Variants in ATP7A observed in about 807,000 individuals in gnomAD.
ATP7A encodes copper-transporting ATPase 1.
Under a neutral mutation model 83.5 loss-of-function variants are expected in ATP7A, and 7 were observed. That is an observed-to-expected ratio of 0.08 (90% confidence interval 0.05 to 0.16). ATP7A has a LOEUF of 0.16. ATP7A is among the 10% of genes least tolerant of loss of function. The pLI, the probability that ATP7A is intolerant of heterozygous loss-of-function variation, is 1.00. For synonymous variants in ATP7A, 354 were observed against 395.2 expected (o/e 0.90, Z 1.24); for missense variants, 940 against 1,120.8 (o/e 0.84, Z 2.30).
chrX:77,911,211 A>G (rs2077157825), intron 1 of ATP7A, among the ~76,000 whole-genome samples: 1 of 112,425 alleles, frequency 8.9e-6, no homozygotes, highest in Non-Finnish European at 1.9e-5. Context: ...TACTAAAATG[A>G]CCATAATTGA....
intron 2 of ATP7A, among the ~76,000 whole-genome samples, chrX:77,974,209 T>C (rs2077564394): frequency 9.1e-6 from 1 of 109,756 alleles, no homozygotes; most frequent in African/African-American, 3.3e-5. Context: ...AGTGGCACAA[T>C]GTTGGCTCAC....
chrX:77,962,705 CCTG>C (rs1259993406), intron 1 of ATP7A: 5 of 384,398 alleles, frequency 1.3e-5, no homozygotes, highest in African/African-American at 2.6e-5. Context: ...GAACAGTAGA[CCTG>C]CTGGAGGAAG....
Position 78,029,385 on chromosome X carries a change from G to T in ATP7A, c.3052G>T (p.Val1018Leu). 1 of 1,211,810 alleles carries T rather than the reference G, an allele frequency of 8.3e-7. No individual in the cohort carries two copies. The highest frequency in any genetic ancestry group is 1.1e-6 in the Non-Finnish European group (1 of 895,455). The change falls in exon 15 of 23, where the codon GTA (valine) becomes TTA (leucine). Residue 1018 changes from valine to leucine, a missense_variant. This residue lies in a region of ATP7A where 386 missense variants were observed against 502.2 expected (regional missense o/e 0.77). Coordinates refer to ENST00000341514, the MANE Select transcript of ATP7A (RefSeq NM_000052.7). ...TPTAVMVGTG[V>L]GAQNGILIKG... is the part of the protein sequence containing the mutation. ...AACTGCTGTGATGGTGGGTACAGGAGTAGGTGCTCAAAATGGCATACTAAT... is the reference window on the plus strand; with the variant it reads ...AACTGCTGTGATGGTGGGTACAGGATTAGGTGCTCAAAATGGCATACTAAT...
intron 10 of ATP7A, among the ~76,000 whole-genome samples, chrX:78,014,155 C>T (rs1186018277): frequency 9.1e-6 from 1 of 110,389 alleles, no homozygotes; most frequent in Non-Finnish European, 1.9e-5. Context: ...TGCCTGTAAT[C>T]CCAGCGCTTT....
intron 4 of ATP7A, among the ~76,000 whole-genome samples, chrX:77,997,707 A>G (rs1232729130): frequency 9.1e-6 from 1 of 110,014 alleles, no homozygotes; most frequent in African/African-American, 3.3e-5. Flanking sequence ...AAAATAGCAG[A>G]ATTTCAGAGA....
At chrX:77,956,726 CCTTTCTTTCTTTCTT>C (rs1400803249) in intron 1 of ATP7A, among the ~76,000 whole-genome samples, 46 of 73,777 alleles carry the variant, frequency 6.2e-4, no homozygotes, top group African/African-American at 2.1e-3. Flanking sequence ...TACCCAGTCT[CCTTTCTTTCTTTCTT>C]TCTTTCTTTC....
At chrX:77,937,866 TTCTCTC>T (rs1326169199) in intron 1 of ATP7A, among the ~76,000 whole-genome samples, 1 of 100,426 alleles carries the variant, frequency 1.0e-5, no homozygotes, top group Admixed American at 1.1e-4. Context: ...GATGGGATGG[TTCTCTC>T]TCTCTCTCTC....
chrX:77,980,698 C>T (rs990557367), intron 2 of ATP7A, among the ~76,000 whole-genome samples: 1 of 110,366 alleles, frequency 9.1e-6, no homozygotes, highest in Non-Finnish European at 1.9e-5. Flanking sequence ...GATGGAGTCT[C>T]GCTCTTGTCA....
intron 14 of ATP7A, among the ~76,000 whole-genome samples, chrX:78,023,100 A>G (rs1226636379): frequency 8.9e-6 from 1 of 111,752 alleles, no homozygotes; most frequent in Non-Finnish European, 1.9e-5. Flanking sequence ...AGCTTCACCT[A>G]TGCTACTCAA....
chrX:77,986,973 C>A (rs1557231428), intron 2 of ATP7A, among the ~76,000 whole-genome samples: 1 of 111,895 alleles, frequency 8.9e-6, no homozygotes, highest in Non-Finnish European at 1.9e-5. Context: ...CATAATAGAG[C>A]AGTTGCCTAA....
intron 6 of ATP7A, 130 bp from the exon 7 acceptor site, chrX:78,008,972 C>T (rs1437111132): frequency 1.5e-6 from 1 of 683,845 alleles, no homozygotes; most frequent in Non-Finnish European, 2.2e-6. Context: ...GCCGAGATCG[C>T]ACCACTGCAT....
rs782208660 is a variant in ATP7A, at chrX:78,011,795, A to G, written c.2172+121A>G. ...TAGAAGTCTGATCATTTTATGCCAT[A>G]TGCTTTACAAAAATAATCTTCAACT... On this transcript the variant is annotated intron_variant, in intron 9 of 22. Coordinates refer to ENST00000341514, the MANE Select transcript of ATP7A (RefSeq NM_000052.7). The G allele has an allele frequency of 5.8e-6, 4 of 690,396 alleles. No individual in the cohort carries two copies. The African/African-American group carries it at 8.5e-5, about 15-fold the overall frequency. 56.9% of individuals were successfully genotyped at this position (690,396 alleles called of 1,213,427 possible). A position where few individuals can be genotyped will look rare whatever the true frequency, so the allele number is the denominator to read the frequency against.
At chrX:77,995,435 G>A (rs2149086115) in intron 4 of ATP7A, among the ~76,000 whole-genome samples, 1 of 108,274 alleles carries the variant, frequency 9.2e-6, no homozygotes, top group South Asian at 4.2e-4. Flanking sequence ...GGGCGTGGTG[G>A]TGGGCGCCTG....
chrX:78,007,304 C>A (rs1255944405), intron 6 of ATP7A, among the ~76,000 whole-genome samples: 2 of 111,280 alleles, frequency 1.8e-5, no homozygotes, highest in African/African-American at 3.3e-5. Flanking sequence ...CATAAATGTT[C>A]TTTGGAGAAA....
intron 4 of ATP7A, 100 bp from the exon 5 acceptor site, chrX:77,998,378 A>T: frequency 3.6e-6 from 3 of 842,146 alleles, no homozygotes. Flanking sequence ...TTTTAAAGGA[A>T]TAGATTGTCA....
At chrX:77,911,646 G>C (rs1448488246) in intron 1 of ATP7A, among the ~76,000 whole-genome samples, 1 of 109,511 alleles carries the variant, frequency 9.1e-6, no homozygotes, top group African/African-American at 3.3e-5. Flanking sequence ...CCTCAAAAGA[G>C]TTTACTTACA....
chrX:77,944,874 G>T (rs2077370405), intron 1 of ATP7A, among the ~76,000 whole-genome samples: 1 of 109,081 alleles, frequency 9.2e-6, no homozygotes. Context: ...ATTTGTGATG[G>T]AGTCTTGCTC....
chrX:78,009,661 T>G (rs782584853), intron 7 of ATP7A, among the ~76,000 whole-genome samples: 5 of 112,210 alleles, frequency 4.5e-5, no homozygotes, highest in African/African-American at 1.6e-4. Context: ...GTAAGAAATT[T>G]AAAAGACTAA....
At chrX:77,971,498 T>A (rs995357628) in intron 1 of ATP7A, 123 bp from the exon 2 acceptor site, 1 of 732,291 alleles carries the variant, frequency 1.4e-6, no homozygotes, top group Non-Finnish European at 2.1e-6. Flanking sequence ...CACATTTTAA[T>A]TTTTTAAACA....
Sources: allele counts gnomAD v4.1 joint callset (sites outside exome capture counted in the v4.1 genomes callset), GRCh38; gene constraint gnomAD v4.1.1; regional missense constraint gnomAD v4.1.1; transcripts MANE v1.5; gene names NCBI Gene and HGNC (gene_info 2026-07-23, HGNC 2026-07-21).